Variants in ERP27 observed in about 807,000 individuals in gnomAD.
ERP27 encodes endoplasmic reticulum protein 27, also known as endoplasmic reticulum resident protein 27.
ERP27 carries 23 observed loss-of-function variants against 27.7 expected under a neutral mutation model. The observed-to-expected ratio is 0.83, with a 90% CI of 0.60 to 1.18. ERP27 has a LOEUF of 1.18. Among genes scored for constraint, ERP27 ranks in the 50% most tolerant of loss-of-function variants. ERP27 has a pLI of 0.00. For missense variants in ERP27, 363 were observed against 327.9 expected (o/e 1.11, Z -0.83); for synonymous variants, 159 against 118.3 (o/e 1.34, Z -2.23).
At chr12:14,935,076 T>C in intron 2 of ERP27, 83 bp from the exon 3 acceptor site, 1 of 1,528,426 alleles carries the variant, frequency 6.5e-7, no homozygotes, top group African/African-American at 1.4e-5. Context: ...TATGATATGA[T>C]GTTTACCAGA....
intron 4 of ERP27, among the ~76,000 whole-genome samples, chr12:14,918,606 G>A (rs752422206): frequency 3.9e-5 from 6 of 152,206 alleles, no homozygotes; most frequent in Non-Finnish European, 7.3e-5. Context: ...AAACTAGTGT[G>A]TACACAGGAA....
chr12:14,922,218 T>A (rs74068186), intron 3 of ERP27, among the ~76,000 whole-genome samples: 1 of 152,338 alleles, frequency 6.6e-6, no homozygotes, highest in African/African-American at 2.4e-5. Flanking sequence ...AATGCCAAGC[T>A]ATCTTCCAAA....
rs1457190912 is a variant in ERP27, at chr12:14,914,510, A to G, written c.*225T>C. The G allele has an allele frequency of 1.3e-5, 7 of 521,646 alleles. No individual in the cohort carries two copies. Among genetic ancestry groups the G allele is most frequent in the Middle Eastern group, 8.6e-4 (2 of 2,334 alleles). The allele number at this position is 521,646 out of a possible 1,614,324, so 32.3% of individuals were successfully genotyped here. Reference sequence around the variant, plus strand: ...GATAGGGAGTGAGGATATGAAATTTAAAAGAAGGAAGAAGAGAAAACGAGA... The same window carrying G: ...GATAGGGAGTGAGGATATGAAATTTGAAAGAAGGAAGAAGAGAAAACGAGA... On this transcript the variant is annotated 3_prime_UTR_variant, in exon 7 of 7. Transcript: ENST00000266397.
At position 14,914,711 on chromosome 12, in the gene ERP27, G is replaced by T; in HGVS notation, c.*24C>A. The T allele has an allele frequency of 1.2e-6, 2 of 1,606,286 alleles. No individual in the cohort carries two copies. The highest frequency in any genetic ancestry group is 1.7e-5 in the Admixed American group (1 of 59,124). On this transcript the variant is annotated 3_prime_UTR_variant, in exon 7 of 7. Transcript: ENST00000266397. ...TTACTTTGCATAAAGTAGATACTTG[G>T]CCATATGTAGTTCCAAGGAGAAGTC...
intron 5 of ERP27, 53 bp from the exon 6 acceptor site, chr12:14,915,739 G>A (rs965057594): frequency 1.3e-5 from 20 of 1,481,780 alleles, no homozygotes; most frequent in Non-Finnish European, 1.9e-5. Context: ...GACGTCCAGG[G>A]ATAAAGAGAT....
intron 5 of ERP27, chr12:14,915,982 C>A (rs1386463830): frequency 2.1e-5 from 5 of 235,688 alleles, no homozygotes; most frequent in East Asian, 9.8e-5. Flanking sequence ...AACTCCTGAA[C>A]ACAAAGAAGG....
At chr12:14,933,980 T>C (rs1208214626) in intron 3 of ERP27, among the ~76,000 whole-genome samples, 1 of 152,244 alleles carries the variant, frequency 6.6e-6, no homozygotes, top group Admixed American at 6.5e-5. Context: ...AACACATTTC[T>C]GTTCATGTTA....
chr12:14,914,844 C>G, intron 6 of ERP27, 62 bp from the exon 7 acceptor site: 1 of 1,312,682 alleles, frequency 7.6e-7, no homozygotes, highest in Non-Finnish European at 1.1e-6. Flanking sequence ...TCCTGGAAGT[C>G]CTAAATCCTT....
chr12:14,929,156 C>T (rs1285464480), intron 3 of ERP27: 1 of 1,401,856 alleles, frequency 7.1e-7, no homozygotes, highest in African/African-American at 1.4e-5. Context: ...TCCCTGTACT[C>T]TTTTCCGGGC....
chr12:14,923,111 T>A (rs1300947054), intron 3 of ERP27, among the ~76,000 whole-genome samples: 1 of 151,946 alleles, frequency 6.6e-6, no homozygotes, highest in African/African-American at 2.4e-5. Flanking sequence ...TCCTTGATTT[T>A]TGTATTACTC....
chr12:14,937,519 C>G (rs1863789874), intron 2 of ERP27, among the ~76,000 whole-genome samples: 1 of 152,192 alleles, frequency 6.6e-6, no homozygotes, highest in African/African-American at 2.4e-5. Flanking sequence ...AGGCTGTGCA[C>G]TGACTAATGT....
rs113968107 is a variant in ERP27, at chr12:14,938,120, T to C, written c.95-68A>G. On this transcript the variant is annotated intron_variant, in intron 1 of 6. Transcript: ENST00000266397. Reference sequence around the variant, plus strand: ...GAAGCAGCTCTAAATAATGAGGGCATCTATACCTTTTATCTCTATACTAAG... The same window carrying C: ...GAAGCAGCTCTAAATAATGAGGGCACCTATACCTTTTATCTCTATACTAAG... 9.9e-4 allele frequency: 1,279 copies of C among 1,290,552 alleles called. 14 individuals are homozygous for C. In the African/African-American group the frequency reaches 0.014, roughly 15 times the overall value. The allele number at this position is 1,290,552 out of a possible 1,614,324, so 79.9% of individuals were successfully genotyped here.
chr12:14,921,547 T>A (rs1863504250), intron 3 of ERP27, among the ~76,000 whole-genome samples: 2 of 152,132 alleles, frequency 1.3e-5, no homozygotes, highest in African/African-American at 4.8e-5. Context: ...GGCATGTAGA[T>A]TAAATTCTAT....
At chr12:14,928,942 G>T (rs1278735267) in intron 3 of ERP27, 2 of 1,534,918 alleles carry the variant, frequency 1.3e-6, no homozygotes, top group Admixed American at 2.0e-5. Context: ...TGCTGCTACC[G>T]ACCTGTATTT....
intron 3 of ERP27, among the ~76,000 whole-genome samples, chr12:14,932,511 A>G (rs1207632592): frequency 6.6e-6 from 1 of 152,198 alleles, no homozygotes; most frequent in African/African-American, 2.4e-5. Context: ...CCCAGGGTGG[A>G]AGCTGGATGG....
intron 3 of ERP27, among the ~76,000 whole-genome samples, chr12:14,924,003 C>A (rs993213136): frequency 2.3e-4 from 35 of 151,742 alleles, no homozygotes; most frequent in Non-Finnish European, 8.8e-5. Context: ...CCTGTCCCCA[C>A]TTCCCTCTTC....
At chr12:14,937,412 A>G (rs4764140) in intron 2 of ERP27, among the ~76,000 whole-genome samples, 50,197 of 152,116 alleles carry the variant, frequency 0.33, 8,671 homozygotes, top group Middle Eastern at 0.42. Context: ...ATGGAGGTTA[A>G]CACCTTGAAT....
chr12:14,923,492 A>ATCTATCTATCTATCTATCT (rs1555098900), intron 3 of ERP27, among the ~76,000 whole-genome samples: 2 of 141,160 alleles, frequency 1.4e-5, no homozygotes, highest in African/African-American at 2.7e-5. Context: ...ATCTATAATC[A>ATCTATCTATCTATCTATCT]ATCTATCTAT....
chr12:14,914,355 A>G lies in ERP27; in HGVS notation c.*380T>C, dbSNP rs1006218529. 50 of 199,308 alleles carry G rather than the reference A, an allele frequency of 2.5e-4. No individual in the cohort carries two copies. Among genetic ancestry groups the G allele is most frequent in the Non-Finnish European group, 4.2e-4 (41 of 98,436 alleles). 12.3% of individuals were successfully genotyped at this position (199,308 alleles called of 1,614,324 possible). A position where few individuals can be genotyped will look rare whatever the true frequency, so the allele number is the denominator to read the frequency against. On this transcript the variant is annotated 3_prime_UTR_variant, in exon 7 of 7. Coordinates refer to ENST00000266397, the MANE Select transcript of ERP27 (RefSeq NM_152321.4). ...GTATACAAACTTGATATTAAATGAC[A>G]AATTGGAACAATCTTTCTCTAGGAA...
Sources: allele counts gnomAD v4.1 joint callset (sites outside exome capture counted in the v4.1 genomes callset), GRCh38; gene constraint gnomAD v4.1.1; transcripts MANE v1.5; gene names NCBI Gene and HGNC (gene_info 2026-07-23, HGNC 2026-07-21).